The following WDR41 variants were observed in gnomAD, a reference collection of about 807,000 sequenced individuals.
WDR41 encodes WD repeat domain 41, also known as WD repeat-containing protein 41.
In WDR41, 63 loss-of-function variants were observed where a neutral mutation model predicts 69.3. The observed-to-expected ratio is 0.91, with a 90% CI of 0.74 to 1.12. WDR41 has a LOEUF of 1.12. Among genes scored for constraint, WDR41 ranks in the 50% most tolerant of loss-of-function variants. The pLI, the probability that WDR41 is intolerant of heterozygous loss-of-function variation, is 0.00. For synonymous variants in WDR41, 185 were observed against 192.1 expected (o/e 0.96, Z 0.31); for missense variants, 543 against 534.5 (o/e 1.02, Z -0.16).
At chr5:77,544,208 A>G (rs1743147431) in intron 1 of WDR41, among the ~76,000 whole-genome samples, 1 of 151,828 alleles carries the variant, frequency 6.6e-6, no homozygotes, top group Admixed American at 6.6e-5. Context: ...TAAAGCATAA[A>G]TCTCATAGGA....
At chr5:77,437,314 C>G in intron 11 of WDR41, 22 bp downstream of exon 11, 1 of 1,608,422 alleles carries the variant, frequency 6.2e-7, no homozygotes, top group Non-Finnish European at 8.5e-7. Context: ...AAAAGACTAC[C>G]TTTTTGAGAG....
intron 1 of WDR41, among the ~76,000 whole-genome samples, chr5:77,603,405 A>G (rs373878578): frequency 6.6e-6 from 1 of 152,058 alleles, no homozygotes; most frequent in East Asian, 1.9e-4. Flanking sequence ...CCCACTTTTC[A>G]ATGGGGATTA....
intron 1 of WDR41, among the ~76,000 whole-genome samples, chr5:77,542,825 T>C (rs1743117731): frequency 6.6e-6 from 1 of 152,206 alleles, no homozygotes; most frequent in Admixed American, 6.5e-5. Context: ...TGTGAATTTT[T>C]GCTCCAGAAT....
intron 1 of WDR41, among the ~76,000 whole-genome samples, chr5:77,507,399 CTTTA>C (rs1802125297): frequency 6.6e-6 from 1 of 152,136 alleles, no homozygotes; most frequent in Non-Finnish European, 1.5e-5. Context: ...TGTAATTTGC[CTTTA>C]TTTTTCTGAC....
chr5:77,533,574 A>T (rs1742905012), intron 1 of WDR41, among the ~76,000 whole-genome samples: 2 of 152,122 alleles, frequency 1.3e-5, no homozygotes, highest in South Asian at 4.1e-4. Flanking sequence ...GGGGATGGCT[A>T]TGGGAGGTAG....
chr5:77,513,596 A>G (rs747452649), intron 1 of WDR41, among the ~76,000 whole-genome samples: 3 of 152,154 alleles, frequency 2.0e-5, no homozygotes, highest in Non-Finnish European at 4.4e-5. Context: ...TGTACACAAT[A>G]CTAGACATGA....
chr5:77,581,770 A>G (rs1433127958), intron 1 of WDR41, among the ~76,000 whole-genome samples: 1 of 152,230 alleles, frequency 6.6e-6, no homozygotes, highest in Non-Finnish European at 1.5e-5. Flanking sequence ...GAAGAAATCA[A>G]AAAGGAAATC....
intron 1 of WDR41, among the ~76,000 whole-genome samples, chr5:77,608,487 T>C (rs545222850): frequency 6.6e-5 from 10 of 152,286 alleles, no homozygotes; most frequent in East Asian, 1.9e-4. Flanking sequence ...TGTAGATATT[T>C]AAATTTAAAA....
At chr5:77,460,932 T>C (rs72769056) in intron 4 of WDR41, among the ~76,000 whole-genome samples, 2,764 of 152,194 alleles carry the variant, frequency 0.018, 35 homozygotes, top group Middle Eastern at 0.061. Context: ...TAGAATTCAT[T>C]TGGGTAAGAG....
chr5:77,509,502 TAGAA>T (rs1341534122), intron 1 of WDR41, among the ~76,000 whole-genome samples: 2 of 152,134 alleles, frequency 1.3e-5, no homozygotes, highest in East Asian at 3.9e-4. Context: ...AACCATACAG[TAGAA>T]TATTATGCCA....
chr5:77,582,596 T>C (rs1189546408), intron 1 of WDR41: 1 of 1,600,394 alleles, frequency 6.2e-7, no homozygotes, highest in Non-Finnish European at 8.5e-7. Flanking sequence ...GTGGCGAGGA[T>C]GGCAAGAAAA....
intron 2 of WDR41, among the ~76,000 whole-genome samples, chr5:77,479,531 T>C (rs908514715): frequency 1.7e-4 from 26 of 152,092 alleles, no homozygotes; most frequent in Non-Finnish European, 2.5e-4. Context: ...TATCTACAAC[T>C]ATCTGATCTT....
chr5:77,616,592 T>G (rs916495474), intron 1 of WDR41, among the ~76,000 whole-genome samples: 2 of 152,208 alleles, frequency 1.3e-5, no homozygotes, highest in Non-Finnish European at 2.9e-5. Context: ...AAAATCTTAG[T>G]GTGCATGTAT....
chr5:77,619,973 T>C (rs1005866084), intron 1 of WDR41, among the ~76,000 whole-genome samples: 3 of 152,160 alleles, frequency 2.0e-5, no homozygotes, highest in Non-Finnish European at 4.4e-5. Context: ...AAATTACTAC[T>C]GGTACTTTTT....
At chr5:77,447,619 A>C (rs1352735743) in intron 8 of WDR41, among the ~76,000 whole-genome samples, 1 of 152,258 alleles carries the variant, frequency 6.6e-6, no homozygotes, top group Non-Finnish European at 1.5e-5. Context: ...CTTTGCAGGG[A>C]CATAGTCATG....
chr5:77,436,260 C>T lies in WDR41; in HGVS notation c.1227+1G>A. ...GACATTCTGTGGCTAAACAGCAATA[C>T]CTCCACAGATGATGAGTGTCCAATC... On this transcript the variant is annotated splice_donor_variant, in intron 12 of 12. Coordinates refer to ENST00000296679, the MANE Select transcript of WDR41 (RefSeq NM_018268.4). LOFTEE classifies it high-confidence loss of function. 1 of 1,610,942 alleles carries T rather than the reference C, an allele frequency of 6.2e-7. No individual in the cohort carries two copies. The highest frequency in any genetic ancestry group is 8.5e-7 in the Non-Finnish European group (1 of 1,178,214).
chr5:77,450,574 A>C (rs188219899), intron 7 of WDR41, among the ~76,000 whole-genome samples: 117 of 152,346 alleles, frequency 7.7e-4, no homozygotes, highest in Admixed American at 1.6e-3. Flanking sequence ...CTAAACATTT[A>C]TGTTCCAGGA....
At chr5:77,542,518 T>C (rs1743109958) in intron 1 of WDR41, among the ~76,000 whole-genome samples, 2 of 152,180 alleles carry the variant, frequency 1.3e-5, no homozygotes, top group Admixed American at 1.3e-4. Flanking sequence ...AACAAAACAC[T>C]GATTCTTATA....
At chr5:77,449,736 A>C (rs1799546302) in intron 8 of WDR41, 24 bp downstream of exon 8, 1 of 1,497,542 alleles carries the variant, frequency 6.7e-7, no homozygotes, top group African/African-American at 1.4e-5. Flanking sequence ...AACTGTACAT[A>C]ATAAATGTAC....
Sources: allele counts gnomAD v4.1 joint callset (sites outside exome capture counted in the v4.1 genomes callset), GRCh38; gene constraint gnomAD v4.1.1; transcripts MANE v1.5; gene names NCBI Gene and HGNC (gene_info 2026-07-23, HGNC 2026-07-21).